ANK3: variants seen among roughly 807,000 people sequenced by gnomAD.
The protein encoded by ANK3 is ankyrin-3.
Under a neutral mutation model 370.9 loss-of-function variants are expected in ANK3, and 57 were observed. The observed-to-expected ratio is 0.15, with a 90% CI of 0.12 to 0.19. ANK3 has a LOEUF of 0.19. Among genes scored for constraint, ANK3 ranks in the 10% least tolerant of loss-of-function variants. ANK3 has a pLI of 1.00. For missense variants in ANK3, 4,439 were observed against 5,302.1 expected, an observed-to-expected ratio of 0.84 and a Z score of 5.06; for synonymous variants, 1,929 against 1,946.3, an observed-to-expected ratio of 0.99 and a Z score of 0.23.
chr10:60,528,158 CAG>C (rs2076521857), intron 2 of ANK3, among the ~76,000 whole-genome samples: 1 of 94,732 alleles, frequency 1.1e-5, no homozygotes, highest in Non-Finnish European at 2.1e-5. Context: ...TTTTTTGAGA[CAG>C]AGTTTGGCTC....
At chr10:60,615,617 TGCTG>T (rs914788938) in intron 1 of ANK3, among the ~76,000 whole-genome samples, 1 of 152,094 alleles carries the variant, frequency 6.6e-6, no homozygotes, top group Non-Finnish European at 1.5e-5. Flanking sequence ...CGCATGAAAA[TGCTG>T]GCATCAGAAA....
chr10:60,621,274 A>G (rs1350833732), intron 1 of ANK3, among the ~76,000 whole-genome samples: 1 of 152,228 alleles, frequency 6.6e-6, no homozygotes, highest in Non-Finnish European at 1.5e-5. Flanking sequence ...GACCTTTGAG[A>G]GAGAGAGGTG....
At chr10:60,337,382 G>A (rs2053247838) in intron 1 of ANK3, among the ~76,000 whole-genome samples, 1 of 151,992 alleles carries the variant, frequency 6.6e-6, no homozygotes, top group Non-Finnish European at 1.5e-5. Context: ...TATAATCTAA[G>A]TTCTGATCCT....
At chr10:60,300,217 T>C in intron 1 of ANK3, 1 of 616,250 alleles carries the variant, frequency 1.6e-6, no homozygotes, top group Non-Finnish European at 2.7e-6. Flanking sequence ...TTAATTTGCT[T>C]CCTACCCAGC....
chr10:60,728,023 T>C (rs1322321282), intron 1 of ANK3, among the ~76,000 whole-genome samples: 1 of 152,186 alleles, frequency 6.6e-6, no homozygotes, highest in African/African-American at 2.4e-5. Flanking sequence ...ATTCTGTGCT[T>C]CTCTTTCCAA....
intron 1 of ANK3, among the ~76,000 whole-genome samples, chr10:60,711,498 T>G (rs1213115110): frequency 2.6e-5 from 4 of 151,964 alleles, no homozygotes; most frequent in African/African-American, 9.7e-5. Context: ...AGTTTCAAGA[T>G]GTCAGTAGAA....
chr10:60,485,207 TTCCAGTTCTAACA>T (rs1210158430), intron 2 of ANK3, among the ~76,000 whole-genome samples: 1 of 152,188 alleles, frequency 6.6e-6, no homozygotes, highest in Non-Finnish European at 1.5e-5. Context: ...CACAAGATTC[TTCCAGTTCTAACA>T]TCCTAGAGGC....
At position 60,502,797 on chromosome 10, in the gene ANK3, A is replaced by G. The variant is rs571855989; in HGVS notation, c.96+112389T>C. On this transcript the variant is annotated intron_variant, in intron 2 of 43. Coordinates refer to the ANK3 transcript ENST00000373827. ...AAAGAAAAGAAAGAAAGAAAAAAGA[A>G]AAGAAAGAAAAAAGAGAAGAAAAGA... Among the ~76,000 whole-genome samples, 198 of 137,840 alleles carry G rather than the reference A, an allele frequency of 1.4e-3. 1 individual carries two copies. Among genetic ancestry groups the G allele is most frequent in the Non-Finnish European group, 2.1e-3 (137 of 64,474 alleles). The allele number at this position is 137,840 out of a possible 152,430, so 90.4% of individuals were successfully genotyped here.
At chr10:60,125,610 T>A (rs2093715686) in intron 25 of ANK3, among the ~76,000 whole-genome samples, 1 of 152,140 alleles carries the variant, frequency 6.6e-6, no homozygotes. Flanking sequence ...CATGCACGTT[T>A]CTGAGCACCC....
chr10:60,293,819 C>G (rs2041968280), intron 1 of ANK3, among the ~76,000 whole-genome samples: 2 of 152,208 alleles, frequency 1.3e-5, no homozygotes, highest in South Asian at 4.1e-4. Context: ...ACTGCTGAGT[C>G]CCTTAGAGAG....
chr10:60,343,520 T>C (rs980276056), intron 1 of ANK3, among the ~76,000 whole-genome samples: 2 of 152,088 alleles, frequency 1.3e-5, no homozygotes, highest in Non-Finnish European at 2.9e-5. Flanking sequence ...AATCCTCATC[T>C]CTCAAAGCAG....
chr10:60,461,763 A>G (rs182616221), intron 2 of ANK3, among the ~76,000 whole-genome samples: 73 of 152,330 alleles, frequency 4.8e-4, no homozygotes, highest in African/African-American at 1.7e-3. Flanking sequence ...GGCAAGGTCG[A>G]AAATCACGCA....
chr10:60,069,686 G>A lies in ANK3; in HGVS notation c.11195C>T (p.Thr3732Ile). The A allele has an allele frequency of 6.2e-7, 1 of 1,613,956 alleles. No individual in the cohort carries two copies. Reference sequence around the variant, plus strand: ...TTCTCCAGGGCCTTCTTTCTTCATGGTCATGGTGGATGCAGAAATTCCCAT... The same window carrying A: ...TTCTCCAGGGCCTTCTTTCTTCATGATCATGGTGGATGCAGAAATTCCCAT... ...IKMGISASTMTMKKEGPGEIT... is the reference protein window; with the variant it reads ...IKMGISASTMIMKKEGPGEIT... The change falls in exon 37 of 44, where the codon ACC becomes ATC. Residue 3732 changes from threonine (T) to isoleucine (I), a missense_variant. By Grantham distance (89) the Thr-to-Ile change is moderately conservative. Transcript: ENST00000280772.
intron 1 of ANK3, among the ~76,000 whole-genome samples, chr10:60,332,766 T>C (rs1430476606): frequency 6.6e-6 from 1 of 152,236 alleles, no homozygotes; most frequent in Non-Finnish European, 1.5e-5. Flanking sequence ...GATGGCTCTG[T>C]TCCGCCTCTG....
chr10:60,198,342 T>G lies in ANK3; in HGVS notation c.1687A>C (p.Lys563Gln), dbSNP rs1159998356. The change falls in exon 14 of 44, where the codon AAG becomes CAG. Residue 563 changes from lysine (K) to glutamine (Q), a missense_variant and splice_region_variant. By Grantham distance (53) the Lys-to-Gln change is moderately conservative. Coordinates refer to ENST00000280772, the MANE Select transcript of ANK3 (RefSeq NM_020987.5). The stretch of plus-strand genomic sequence containing the variant: ...GATTCTGAGATTTGCTTTCATACCT[T>G]TGTTGTTATAGATAAAGACGCTCCA... The part of the protein sequence containing the change: ...DHGASLSITT[K>Q]KGFTPLHVAA... The G allele has an allele frequency of 2.7e-5, 44 of 1,614,000 alleles. No homozygotes were observed. Among genetic ancestry groups the G allele is most frequent in the African/African-American group, 6.7e-5 (5 of 74,906 alleles).
chr10:60,579,294 T>C (rs574790548), intron 2 of ANK3, among the ~76,000 whole-genome samples: 2 of 137,276 alleles, frequency 1.5e-5, no homozygotes, highest in East Asian at 4.2e-4. Context: ...CACTGCACTC[T>C]GGCCTGGCAC....
At chr10:60,634,914 A>G (rs1284558412) in intron 1 of ANK3, among the ~76,000 whole-genome samples, 2 of 152,184 alleles carry the variant, frequency 1.3e-5, no homozygotes, top group Non-Finnish European at 2.9e-5. Context: ...AAGAAACTCC[A>G]GACACATCTG....
chr10:60,311,066 C>T (rs369182409), intron 1 of ANK3, among the ~76,000 whole-genome samples: 115 of 152,270 alleles, frequency 7.6e-4, no homozygotes, highest in African/African-American at 2.7e-3. Context: ...AAAAGAACTT[C>T]TCTCATTAAA....
At chr10:60,677,148 A>G (rs58363381) in intron 1 of ANK3, among the ~76,000 whole-genome samples, 1,786 of 152,308 alleles carry the variant, frequency 0.012, 33 homozygotes, top group African/African-American at 0.04. Context: ...TAAGTGGAAT[A>G]GTACAGTTAC....
Sources: gnomAD v4.1 joint callset for allele counts (sites outside exome capture counted in the v4.1 genomes callset) on GRCh38, gnomAD v4.1.1 for gene constraint, MANE v1.5 for transcripts, NCBI Gene and HGNC (gene_info 2026-07-23, HGNC 2026-07-21) for gene names.